The following ZC2HC1A variants were observed in gnomAD, a reference collection of about 807,000 sequenced individuals.
The protein encoded by ZC2HC1A is zinc finger C2HC domain-containing protein 1A.
A neutral mutation model predicts 40.7 loss-of-function variants in ZC2HC1A; 28 were observed. The observed-to-expected ratio is 0.69, with a 90% CI of 0.51 to 0.94. The LOEUF (loss-of-function observed/expected upper bound fraction) is 0.94, where lower values mean the gene tolerates loss of function less well. Ranked by LOEUF, ZC2HC1A falls within the 40% of genes least tolerant of loss-of-function variation. The pLI is 0.00. For missense variants in ZC2HC1A, 389 were observed against 386.3 expected, an observed-to-expected ratio of 1.01 and a Z score of -0.06; for synonymous variants, 129 against 129.2, an observed-to-expected ratio of 1.00 and a Z score of 0.01.
At chr8:78,711,985 A>C in intron 7 of ZC2HC1A, 2 of 1,286,938 alleles carry the variant, frequency 1.6e-6, no homozygotes, top group South Asian at 2.5e-5. Context: ...TATATATTTT[A>C]ATAGTAATAT....
At position 78,678,592 on chromosome 8, in the gene ZC2HC1A, T is replaced by G. The variant is rs781049655; in HGVS notation, c.123T>G (p.Thr41=). The G allele has an allele frequency of 3.7e-6, 6 of 1,611,892 alleles. No homozygotes were observed. Among genetic ancestry groups the G allele is most frequent in the South Asian group, 1.1e-5 (1 of 90,712 alleles). ...AACATGGACCCATTTGCCAGAAGAC[T>G]GCAACTAAAAAACGGAAGACTTTTG... ...LKKHGPICQK[T]ATKKRKTFDS... The change falls in exon 3 of 9, where the codon ACT becomes ACG. Residue 41 remains threonine (T), a synonymous_variant. Transcript: ENST00000263849.
chr8:78,716,863 G>A (rs920232973), intron 8 of ZC2HC1A, among the ~76,000 whole-genome samples: 5 of 152,026 alleles, frequency 3.3e-5, no homozygotes, highest in Non-Finnish European at 7.4e-5. Flanking sequence ...GTATCTGATT[G>A]TTTAAAACTG....
rs1811184386 is a variant in ZC2HC1A at position 78,718,903 on chromosome 8, A to G, written c.*1410A>G. 6.6e-6 allele frequency: 1 copy of G among 151,662 alleles called. No individual in the cohort carries two copies. Among genetic ancestry groups the G allele is most frequent in the African/African-American group, 2.4e-5 (1 of 41,418 alleles). 9.4% of individuals were successfully genotyped at this position (151,662 alleles called of 1,614,324 possible). A position where few individuals can be genotyped will look rare whatever the true frequency, so the allele number is the denominator to read the frequency against. ...TTTGTTTATGATTCTGATCAACTATAAGACACAATGTAAAGAATTGTGGCT... is the reference window on the plus strand; with the variant it reads ...TTTGTTTATGATTCTGATCAACTATGAGACACAATGTAAAGAATTGTGGCT... On this transcript the variant is annotated 3_prime_UTR_variant, in exon 9 of 9. Coordinates refer to ENST00000263849, the MANE Select transcript of ZC2HC1A (RefSeq NM_016010.3).
intron 7 of ZC2HC1A, among the ~76,000 whole-genome samples, chr8:78,714,494 G>C (rs1408590256): frequency 1.3e-5 from 2 of 152,038 alleles, no homozygotes; most frequent in Non-Finnish European, 2.9e-5. Context: ...TAAATGATGA[G>C]ACTCAGACTT....
intron 5 of ZC2HC1A, among the ~76,000 whole-genome samples, chr8:78,692,628 G>C (rs918338638): frequency 6.6e-6 from 1 of 152,072 alleles, no homozygotes; most frequent in Admixed American, 6.6e-5. Context: ...GTACAGTGTA[G>C]GTTTTCCAGT....
At chr8:78,712,449 A>G (rs1342968932) in intron 7 of ZC2HC1A, among the ~76,000 whole-genome samples, 2 of 152,116 alleles carry the variant, frequency 1.3e-5, no homozygotes. Context: ...AGAGTTTGAG[A>G]AAAATAATGT....
intron 7 of ZC2HC1A, among the ~76,000 whole-genome samples, chr8:78,705,137 G>A (rs1475616311): frequency 6.6e-6 from 1 of 152,214 alleles, no homozygotes; most frequent in Non-Finnish European, 1.5e-5. Context: ...ATTCTGAGGA[G>A]ATTCTCAGCC....
intron 8 of ZC2HC1A, 33 bp from the exon 9 acceptor site, chr8:78,717,295 C>G: frequency 1.9e-6 from 3 of 1,590,880 alleles, no homozygotes. Flanking sequence ...CTGATACAAA[C>G]TTTATCTTTT....
rs1474057394 is a variant in ZC2HC1A at position 78,697,454 on chromosome 8, A to G, written c.552A>G (p.Ser184=). The G allele has an allele frequency of 1.2e-6, 2 of 1,610,626 alleles. No homozygotes were observed. Among genetic ancestry groups the G allele is most frequent in the Admixed American group, 3.4e-5 (2 of 58,648 alleles). ...AGTCAAATTCTCCTGGAACTGCATC[A>G]TCAGGATCTTCACGATTACCGCAGC... The part of the protein sequence containing the change: ...LKKSNSPGTA[S]SGSSRLPQPS... The change falls in exon 6 of 9, where the codon TCA becomes TCG. Residue 184 remains serine (S), a synonymous_variant. Coordinates refer to ENST00000263849, the MANE Select transcript of ZC2HC1A (RefSeq NM_016010.3).
chr8:78,703,801 G>A (rs1427743791), intron 7 of ZC2HC1A, among the ~76,000 whole-genome samples: 1 of 152,130 alleles, frequency 6.6e-6, no homozygotes, highest in Non-Finnish European at 1.5e-5. Flanking sequence ...GTATTGATGT[G>A]TGTGGATTTG....
intron 2 of ZC2HC1A, among the ~76,000 whole-genome samples, chr8:78,677,071 A>C (rs1198864997): frequency 6.6e-6 from 1 of 152,098 alleles, no homozygotes; most frequent in East Asian, 1.9e-4. Flanking sequence ...AAAACACTTG[A>C]TTGCTAATTG....
intron 1 of ZC2HC1A, among the ~76,000 whole-genome samples, chr8:78,674,220 C>T (rs1483570): frequency 0.97 from 147,048 of 152,204 alleles, 71,068 homozygotes; most frequent in East Asian, 0.99. Flanking sequence ...TGTGCTGAAT[C>T]CATTTTTGTC....
chr8:78,692,848 A>G (rs918306112), intron 5 of ZC2HC1A, among the ~76,000 whole-genome samples: 7 of 152,098 alleles, frequency 4.6e-5, no homozygotes, highest in East Asian at 1.9e-4. Flanking sequence ...CGTCATTTAC[A>G]TGGAGTATAT....
At chr8:78,697,379 G>A in intron 5 of ZC2HC1A, 28 bp from the exon 6 acceptor site, 1 of 1,532,702 alleles carries the variant, frequency 6.5e-7, no homozygotes, top group Non-Finnish European at 8.9e-7. Context: ...AAGTGATGTT[G>A]ATTAATATTT....
chr8:78,678,340 A>G (rs1180366431), intron 2 of ZC2HC1A, among the ~76,000 whole-genome samples: 1 of 152,150 alleles, frequency 6.6e-6, no homozygotes, highest in East Asian at 1.9e-4. Context: ...AAGAGTGTTT[A>G]TAATTTTTTT....
At chr8:78,681,753 TTG>T (rs1406730662) in intron 3 of ZC2HC1A, among the ~76,000 whole-genome samples, 1 of 152,154 alleles carries the variant, frequency 6.6e-6, no homozygotes, top group Non-Finnish European at 1.5e-5. Flanking sequence ...ATCTGTTTTG[TTG>T]TGTTTTCCAA....
At chr8:78,693,410 T>C (rs1218681118) in intron 5 of ZC2HC1A, among the ~76,000 whole-genome samples, 3 of 152,234 alleles carry the variant, frequency 2.0e-5, no homozygotes, top group Non-Finnish European at 4.4e-5. Context: ...CCTGATTTTT[T>C]AATTATCGCC....
intron 3 of ZC2HC1A, among the ~76,000 whole-genome samples, chr8:78,679,725 A>G (rs1481456221): frequency 6.6e-6 from 1 of 152,182 alleles, no homozygotes; most frequent in Non-Finnish European, 1.5e-5. Flanking sequence ...AATGGTAATA[A>G]CTTCTTCCAG....
chr8:78,697,215 C>T (rs766609851), intron 5 of ZC2HC1A, among the ~76,000 whole-genome samples, 192 bp from the exon 6 acceptor site: 2 of 152,072 alleles, frequency 1.3e-5, no homozygotes, highest in Non-Finnish European at 2.9e-5. Context: ...TTTAAGAATA[C>T]AATTCAGTGT....
Sources: gnomAD v4.1 joint callset for allele counts (sites outside exome capture counted in the v4.1 genomes callset) on GRCh38, gnomAD v4.1.1 for gene constraint, MANE v1.5 for transcripts, NCBI Gene and HGNC (gene_info 2026-07-23, HGNC 2026-07-21) for gene names.